KCNQ1: variants seen among roughly 807,000 people sequenced by gnomAD.
KCNQ1 encodes the protein potassium voltage-gated channel subfamily KQT member 1.
In KCNQ1, 49 loss-of-function variants were observed where a neutral mutation model predicts 72.4. The ratio of observed to expected loss-of-function variants is 0.68; its 90% CI spans 0.54 to 0.86. KCNQ1 has a LOEUF of 0.86. KCNQ1 is among the 40% of genes least tolerant of loss of function. The pLI is 0.00. For synonymous variants in KCNQ1, 450 were observed against 412.6 expected (o/e 1.09, Z -1.10); for missense variants, 790 against 945.1 (o/e 0.84, Z 2.15).
chr11:2,516,613 G>A lies in KCNQ1; in HGVS notation c.387-11315G>A, dbSNP rs534367758. Among the ~76,000 whole-genome samples the A allele has an allele frequency of 9.9e-5, 15 of 152,144 alleles. No homozygotes were observed. The highest frequency in any genetic ancestry group is 2.1e-4 in the Non-Finnish European group (14 of 68,024). On this transcript the variant is annotated intron_variant, in intron 1 of 15. Transcript: ENST00000155840. This position sits in a 1 kb window ranked among gnomAD's most constrained non-coding sequence, Gnocchi z 7.0. ...GGTCCCCTGAAACCAACACACAGGT[G>A]CAGACACCCACATGCCATCCTGCCA...
intron 15 of KCNQ1, among the ~76,000 whole-genome samples, chr11:2,780,705 C>T (rs529197325): frequency 6.6e-6 from 1 of 152,196 alleles, no homozygotes. Context: ...TAGAGTGTCC[C>T]CCTGCAGGGA....
intron 10 of KCNQ1, among the ~76,000 whole-genome samples, chr11:2,607,995 C>A (rs1225571687): frequency 6.6e-6 from 1 of 152,162 alleles, no homozygotes. Flanking sequence ...TTTACAACAT[C>A]AAGAAAGCAT....
chr11:2,701,171 CG>C (rs1850807054), intron 11 of KCNQ1, among the ~76,000 whole-genome samples: 1 of 152,222 alleles, frequency 6.6e-6, no homozygotes, highest in African/African-American at 2.4e-5. Context: ...CGAAAATATA[CG>C]TCTACGGGAG....
intron 15 of KCNQ1, among the ~76,000 whole-genome samples, chr11:2,831,674 G>T (rs1847953715): frequency 1.0e-5 from 1 of 99,786 alleles, no homozygotes; most frequent in Non-Finnish European, 2.0e-5. Flanking sequence ...CCCCACCACT[G>T]CTCCCCTCCT....
intron 15 of KCNQ1, among the ~76,000 whole-genome samples, chr11:2,835,951 G>A (rs371963363): frequency 1.4e-3 from 215 of 152,180 alleles, no homozygotes; most frequent in African/African-American, 4.5e-3. Flanking sequence ...GATCGGGCCC[G>A]GTCAGTGGTC....
At chr11:2,631,334 G>A (rs1191945727) in intron 10 of KCNQ1, 1 of 398,100 alleles carries the variant, frequency 2.5e-6, no homozygotes, top group African/African-American at 2.1e-5. Context: ...TCCAGTTGAT[G>A]AATTCCTCCT....
rs185989763 is a variant in KCNQ1 at position 2,555,091 on chromosome 11, G to A, written c.478-15537G>A. Among the ~76,000 whole-genome samples, 41 of 152,264 alleles carry A rather than the reference G, an allele frequency of 2.7e-4. 1 individual carries two copies. Among genetic ancestry groups the A allele is most frequent in the Middle Eastern group, 6.8e-3 (2 of 294 alleles). On this transcript the variant is annotated intron_variant, in intron 2 of 15. Coordinates refer to ENST00000155840, the MANE Select transcript of KCNQ1 (RefSeq NM_000218.3). ...ACACTGCGCGGGCCCCTGAAGGGCC[G>A]GTGTGGGTTGCAGCTCCTCAATCTC...
chr11:2,659,010 C>G lies in KCNQ1; in HGVS notation c.1394-2951C>G. ...CAGTGTTTTTGAAAGCAACATATGCCAGCTCCTCCTCCTCCTTTCCTTTCA... is the reference window on the plus strand; with the variant it reads ...CAGTGTTTTTGAAAGCAACATATGCGAGCTCCTCCTCCTCCTTTCCTTTCA... On this transcript the variant is annotated intron_variant, in intron 10 of 15. Transcript: ENST00000155840. The surrounding 1 kb of genome is among the most constrained non-coding windows in gnomAD (Gnocchi z 4.3). The G allele has an allele frequency of 2.5e-6, 1 of 398,572 alleles. No individual in the cohort carries two copies. Among genetic ancestry groups the G allele is most frequent in the East Asian group, 3.6e-5 (1 of 28,078 alleles). 24.7% of individuals were successfully genotyped at this position (398,572 alleles called of 1,614,324 possible).
rs1285577490 is a variant in KCNQ1 at position 2,808,605 on chromosome 11, T to G, written c.1794+30568T>G. 6.6e-6 allele frequency among the ~76,000 whole-genome samples: 1 copy of G among 152,206 alleles called. No individual in the cohort carries two copies. Among genetic ancestry groups the G allele is most frequent in the Non-Finnish European group, 1.5e-5 (1 of 68,034 alleles). On this transcript the variant is annotated intron_variant, in intron 15 of 15. Transcript: ENST00000155840. The surrounding 1 kb of genome is among the most constrained non-coding windows in gnomAD (Gnocchi z 6.0). ...GTAGGTTGGTTGATTGAGTGATTGA[T>G]TGATTGATAATCTTGGTTCTATTTG... is the stretch of plus-strand genomic sequence containing the variant.
intron 11 of KCNQ1, among the ~76,000 whole-genome samples, chr11:2,758,266 C>T (rs559398915): frequency 4.7e-4 from 72 of 152,114 alleles, no homozygotes; most frequent in African/African-American, 1.7e-3. Flanking sequence ...AGACATTTCA[C>T]CAAAGAAAAT....
In KCNQ1 at chr11:2,585,063, C is replaced by G. The variant is rs1828581171; in HGVS notation, c.1033-149C>G. ...GCCCCCCATGCTGGCCCAGGACAGG[C>G]AGGCTGGGCCCGAGGTGGGACTTGG... On this transcript the variant is annotated intron_variant, in intron 7 of 15. Coordinates refer to ENST00000155840, the MANE Select transcript of KCNQ1 (RefSeq NM_000218.3). 6.8e-6 allele frequency: 5 copies of G among 731,468 alleles called. No homozygotes were observed. The Admixed American group carries it at 7.4e-5, about 11-fold the overall frequency. The allele number at this position is 731,468 out of a possible 1,614,324, so 45.3% of individuals were successfully genotyped here.
rs1846116478 is a variant in KCNQ1, at chr11:2,451,343, C to T, written c.386+5859C>T. Among the ~76,000 whole-genome samples, 1 of 152,214 alleles carries T rather than the reference C, an allele frequency of 6.6e-6. No homozygotes were observed. Among genetic ancestry groups the T allele is most frequent in the Admixed American group, 6.5e-5 (1 of 15,280 alleles). Reference sequence around the variant, plus strand: ...CTCCTGTGAGAATCTAATGCCACCGCTGATCCAACAGGAGGTAGAGCTCAG... The same window carrying T: ...CTCCTGTGAGAATCTAATGCCACCGTTGATCCAACAGGAGGTAGAGCTCAG... On this transcript the variant is annotated intron_variant, in intron 1 of 15. Transcript: ENST00000155840. The surrounding 1 kb of genome is among the most constrained non-coding windows in gnomAD (Gnocchi z 6.4).
rs1346787411 is a variant in KCNQ1, at chr11:2,567,560, A to G, written c.478-3068A>G. ...GGCTGATGGTGGTGGAGATAGTTTT[A>G]TCTCTGAGCAAACATTCCATCTTGC... is the stretch of plus-strand genomic sequence containing the variant. On this transcript the variant is annotated intron_variant, in intron 2 of 15. Transcript: ENST00000155840. This position sits in a 1 kb window ranked among gnomAD's most constrained non-coding sequence, Gnocchi z 6.6. Among the ~76,000 whole-genome samples the G allele has an allele frequency of 6.6e-6, 1 of 152,174 alleles. No individual in the cohort carries two copies. The highest frequency in any genetic ancestry group is 2.4e-5 in the African/African-American group (1 of 41,430).
intron 15 of KCNQ1, among the ~76,000 whole-genome samples, chr11:2,807,670 C>A (rs1847407867): frequency 6.6e-6 from 1 of 151,888 alleles, no homozygotes; most frequent in Admixed American, 6.5e-5. Flanking sequence ...CACCCCCACC[C>A]CCTCCAGGGC....
At chr11:2,614,806 G>A (rs556543283) in intron 10 of KCNQ1, 1 of 398,410 alleles carries the variant, frequency 2.5e-6, no homozygotes, top group African/African-American at 2.1e-5. Context: ...CTTTGTAAAA[G>A]TTTTGAAAAT....
chr11:2,488,412 A>G lies in KCNQ1; in HGVS notation c.387-39516A>G, dbSNP rs190890523. ...TTCCCCTCCTCTTTAATTTTTTGGG[A>G]AAGATTGAGAAGGATGGGAGTTTAT... is the stretch of plus-strand genomic sequence containing the variant. On this transcript the variant is annotated intron_variant, in intron 1 of 15. Coordinates refer to ENST00000155840, the MANE Select transcript of KCNQ1 (RefSeq NM_000218.3). The surrounding 1 kb of genome is among the most constrained non-coding windows in gnomAD (Gnocchi z 5.1). Among the ~76,000 whole-genome samples the G allele has an allele frequency of 4.5e-4, 69 of 152,224 alleles. No individual in the cohort carries two copies. In the East Asian group the frequency reaches 7.3e-3, roughly 16 times the overall value.
At chr11:2,629,597 C>T (rs868167495) in intron 10 of KCNQ1, 1 of 398,444 alleles carries the variant, frequency 2.5e-6, no homozygotes, top group Non-Finnish European at 4.4e-6. Flanking sequence ...AATCCATTTG[C>T]CATTGAATGG....
At chr11:2,596,849 T>C (rs1848739416) in intron 10 of KCNQ1, among the ~76,000 whole-genome samples, 1 of 151,782 alleles carries the variant, frequency 6.6e-6, no homozygotes, top group Non-Finnish European at 1.5e-5. Context: ...ATGTCAATTA[T>C]ATCTCAATAA....
intron 11 of KCNQ1, among the ~76,000 whole-genome samples, chr11:2,751,616 G>A (rs1031805046): frequency 2.0e-4 from 31 of 152,256 alleles, no homozygotes; most frequent in African/African-American, 6.5e-4. Context: ...ACGGGGCGGC[G>A]ACCCTCGTCT....
Sources: allele counts gnomAD v4.1 joint callset (sites outside exome capture counted in the v4.1 genomes callset), GRCh38; gene constraint gnomAD v4.1.1; non-coding constraint Gnocchi (gnomAD v3.1); transcripts MANE v1.5; gene names NCBI Gene and HGNC (gene_info 2026-07-23, HGNC 2026-07-21).